RCAN2: variants seen among roughly 807,000 people sequenced by gnomAD.
RCAN2 encodes regulator of calcineurin 2, also known as calcipressin-2.
A neutral mutation model predicts 23.6 loss-of-function variants in RCAN2; 9 were observed. That is an observed-to-expected ratio of 0.38 (90% confidence interval 0.23 to 0.67). The LOEUF (loss-of-function observed/expected upper bound fraction) is 0.67, where lower values mean the gene tolerates loss of function less well. Ranked by LOEUF, RCAN2 falls within the 30% of genes least tolerant of loss-of-function variation. RCAN2 has a pLI of 0.51. For synonymous variants in RCAN2, 109 were observed against 115.7 expected (o/e 0.94, Z 0.37); for missense variants, 273 against 302.3 (o/e 0.90, Z 0.72).
At chr6:46,489,882 A>G (rs1194384161) in intron 1 of RCAN2, among the ~76,000 whole-genome samples, 1 of 152,246 alleles carries the variant, frequency 6.6e-6, no homozygotes, top group Non-Finnish European at 1.5e-5. Context: ...CATACTTAAT[A>G]TAATAGCTCT....
intron 2 of RCAN2, among the ~76,000 whole-genome samples, chr6:46,378,637 G>A (rs1359189510): frequency 6.6e-6 from 1 of 152,184 alleles, no homozygotes; most frequent in African/African-American, 2.4e-5. Flanking sequence ...AGTTGTGCAG[G>A]TTGTACACTG....
At chr6:46,328,980 G>C (rs1763878568) in intron 2 of RCAN2, among the ~76,000 whole-genome samples, 1 of 152,092 alleles carries the variant, frequency 6.6e-6, no homozygotes, top group Admixed American at 6.5e-5. Flanking sequence ...ATACACTTTG[G>C]CCAATGGCTA....
In RCAN2 at chr6:46,467,038, T is replaced by C. The variant is rs181124584; in HGVS notation, c.-2-10060A>G. On this transcript the variant is annotated intron_variant, in intron 1 of 4. Transcript: ENST00000371374. ...CGCTCTCAGCCCAGCCTGCACTAGA[T>C]GAGATTCCCCAGTTACTGATTGCTA... Among the ~76,000 whole-genome samples, 9 of 151,934 alleles carry C rather than the reference T, an allele frequency of 5.9e-5. No homozygotes were observed. In the East Asian group the frequency reaches 1.8e-3, roughly 30 times the overall value.
intron 1 of RCAN2, among the ~76,000 whole-genome samples, chr6:46,459,005 C>T (rs1768136243): frequency 6.6e-6 from 1 of 152,234 alleles, no homozygotes; most frequent in African/African-American, 2.4e-5. Flanking sequence ...GATTCTCCTG[C>T]CTCAGCCTGG....
At chr6:46,250,096 CTT>C (rs1251713725) in intron 2 of RCAN2, among the ~76,000 whole-genome samples, 2 of 152,200 alleles carry the variant, frequency 1.3e-5, no homozygotes, top group Non-Finnish European at 2.9e-5. Context: ...TCTCTCAAGA[CTT>C]TAAGAGGATA....
intron 2 of RCAN2, among the ~76,000 whole-genome samples, chr6:46,374,447 G>C (rs932836115): frequency 1.3e-5 from 2 of 152,012 alleles, no homozygotes; most frequent in Non-Finnish European, 2.9e-5. Flanking sequence ...TATTTCCTTA[G>C]AATTCTCTTC....
chr6:46,392,147 T>G (rs141661370), intron 2 of RCAN2, among the ~76,000 whole-genome samples: 6 of 152,278 alleles, frequency 3.9e-5, no homozygotes, highest in African/African-American at 1.4e-4. Context: ...GCCATGCTAT[T>G]AAATTCAGAG....
intron 2 of RCAN2, among the ~76,000 whole-genome samples, chr6:46,397,372 AAC>A (rs58494804): frequency 0.13 from 19,528 of 145,996 alleles, 1,577 homozygotes; most frequent in Non-Finnish European, 0.19. Context: ...ATTTCACAGA[AAC>A]ACACACACAC....
intron 2 of RCAN2, among the ~76,000 whole-genome samples, chr6:46,303,368 A>T (rs1762967580): frequency 6.6e-6 from 1 of 152,058 alleles, no homozygotes; most frequent in Non-Finnish European, 1.5e-5. Flanking sequence ...ACTTCCCAGG[A>T]TTACGTGGCT....
At chr6:46,305,670 A>G (rs542201243) in intron 2 of RCAN2, among the ~76,000 whole-genome samples, 1 of 152,182 alleles carries the variant, frequency 6.6e-6, no homozygotes, top group African/African-American at 2.4e-5. Flanking sequence ...CCAATCAGCT[A>G]CATGGGAAAT....
intron 2 of RCAN2, among the ~76,000 whole-genome samples, chr6:46,383,599 C>T (rs1257670134): frequency 1.3e-5 from 2 of 152,104 alleles, no homozygotes; most frequent in Non-Finnish European, 2.9e-5. Context: ...TTTCTATAAG[C>T]TGCATTGTGC....
At chr6:46,286,538 G>A (rs1762378668) in intron 2 of RCAN2, among the ~76,000 whole-genome samples, 1 of 152,302 alleles carries the variant, frequency 6.6e-6, no homozygotes. Flanking sequence ...GAAGTGAAAG[G>A]CATCAAATTC....
chr6:46,409,827 C>T (rs1024683030), intron 2 of RCAN2, among the ~76,000 whole-genome samples: 16 of 152,054 alleles, frequency 1.1e-4, no homozygotes, highest in African/African-American at 3.9e-4. Context: ...TTTAACTGAA[C>T]TAAGGGATGC....
intron 2 of RCAN2, among the ~76,000 whole-genome samples, chr6:46,404,092 C>T (rs572009578): frequency 4.6e-5 from 7 of 152,094 alleles, no homozygotes; most frequent in South Asian, 2.1e-4. Context: ...TGTGGTGGTG[C>T]GTGCCTGTAG....
At chr6:46,371,980 C>T (rs775904205) in intron 2 of RCAN2, among the ~76,000 whole-genome samples, 1 of 152,178 alleles carries the variant, frequency 6.6e-6, no homozygotes, top group Non-Finnish European at 1.5e-5. Context: ...GTTCAATAAA[C>T]ATGTTTTTAA....
intron 2 of RCAN2, among the ~76,000 whole-genome samples, chr6:46,278,977 C>T (rs142609416): frequency 6.6e-6 from 1 of 152,226 alleles, no homozygotes; most frequent in Non-Finnish European, 1.5e-5. Context: ...CTAGGCCATA[C>T]CAGACAAGTT....
intron 3 of RCAN2, among the ~76,000 whole-genome samples, chr6:46,248,221 T>C (rs575347928): frequency 3.9e-5 from 6 of 152,350 alleles, no homozygotes; most frequent in South Asian, 4.1e-4. Context: ...ATGAAACAAA[T>C]TAATTTCCAT....
chr6:46,400,956 G>A (rs1309612329), intron 2 of RCAN2, among the ~76,000 whole-genome samples: 1 of 152,196 alleles, frequency 6.6e-6, no homozygotes, highest in African/African-American at 2.4e-5. Flanking sequence ...CTCATTCCAG[G>A]AAAGTCTATT....
At chr6:46,400,048 G>C (rs538447691) in intron 2 of RCAN2, among the ~76,000 whole-genome samples, 3 of 152,254 alleles carry the variant, frequency 2.0e-5, no homozygotes, top group Middle Eastern at 3.4e-3. Context: ...CACATCTCCT[G>C]CATCTGCAAA....
Sources: allele counts gnomAD v4.1 joint callset (sites outside exome capture counted in the v4.1 genomes callset), GRCh38; gene constraint gnomAD v4.1.1; transcripts MANE v1.5; gene names NCBI Gene and HGNC (gene_info 2026-07-23, HGNC 2026-07-21).